HERC1: variants seen among roughly 807,000 people sequenced by gnomAD.
HERC1 encodes probable E3 ubiquitin-protein ligase HERC1.
A neutral mutation model predicts 554.3 loss-of-function variants in HERC1; 160 were observed. The ratio of observed to expected loss-of-function variants is 0.29; its 90% confidence interval spans 0.25 to 0.33. The LOEUF (loss-of-function observed/expected upper bound fraction) is 0.33. Among genes scored for constraint, HERC1 ranks in the 10% least tolerant of loss-of-function variants. The probability of loss-of-function intolerance (pLI) is 1.00; values close to 1 mark genes in which losing one functional copy is unlikely to be tolerated. For synonymous variants in HERC1, 2,175 were observed against 2,131.7 expected, an observed-to-expected ratio of 1.02 and a Z score of -0.56; for missense variants, 4,919 against 5,918.5, an observed-to-expected ratio of 0.83 and a Z score of 5.54.
intron 25 of HERC1, among the ~76,000 whole-genome samples, chr15:63,703,535 T>C (rs545822806): frequency 6.6e-6 from 1 of 152,262 alleles, no homozygotes; most frequent in Non-Finnish European, 1.5e-5. Flanking sequence ...ATGCAAATGC[T>C]GTATGAGGGA....
intron 6 of HERC1, 54 bp downstream of exon 6, chr15:63,755,175 C>T: frequency 3.2e-6 from 4 of 1,239,322 alleles, no homozygotes; most frequent in Non-Finnish European, 4.7e-6. Flanking sequence ...TTCTCAGTAA[C>T]TTAATCATTT....
At chr15:63,833,753 G>GCGCGCACACACACACACACACACACACA (rs1340096449) in intron 1 of HERC1, 74 bp downstream of exon 1, 2 of 46,456 alleles carry the variant, frequency 4.3e-5, no homozygotes, top group Admixed American at 2.1e-4. Flanking sequence ...ACGCGCGCGC[G>GCGCGCACACACACACACACACACACACA]CACACACACA....
intron 23 of HERC1, 42 bp downstream of exon 23, chr15:63,713,311 G>GCT (rs1277482316): frequency 6.7e-7 from 1 of 1,492,536 alleles, no homozygotes; most frequent in Admixed American, 1.7e-5. Context: ...AGTAATAAAG[G>GCT]GAAGTGAGTA....
chr15:63,798,210 C>T (rs2076868349), intron 1 of HERC1, among the ~76,000 whole-genome samples: 1 of 152,166 alleles, frequency 6.6e-6, no homozygotes, highest in African/African-American at 2.4e-5. Flanking sequence ...CCTTATTCAG[C>T]TCCCTGATAG....
intron 2 of HERC1, among the ~76,000 whole-genome samples, chr15:63,770,987 G>A (rs1163299873): frequency 2.6e-5 from 4 of 152,040 alleles, no homozygotes; most frequent in African/African-American, 4.8e-5. Context: ...TTAGGAGTTC[G>A]AGACCAGCCT....
rs2067656541 is a variant in HERC1, at chr15:63,612,730, C to T, written c.14095-174G>A. 6.6e-6 allele frequency among the ~76,000 whole-genome samples: 1 copy of T among 152,224 alleles called. No homozygotes were observed. Among genetic ancestry groups the T allele is most frequent in the Non-Finnish European group, 1.5e-5 (1 of 68,040 alleles). On this transcript the variant is annotated intron_variant, in intron 76 of 77. Coordinates refer to ENST00000443617, the MANE Select transcript of HERC1 (RefSeq NM_003922.4). The surrounding 1 kb of genome is among the most constrained non-coding windows in gnomAD (Gnocchi z 5.0). ...TCAAAAAGGCCCACCCTCCCTGCCTCTCAACCCTTGTTAGAGTGCCTCCCT... is the reference window on the plus strand; with the variant it reads ...TCAAAAAGGCCCACCCTCCCTGCCTTTCAACCCTTGTTAGAGTGCCTCCCT...
At chr15:63,701,272 T>G (rs2072710170) in intron 25 of HERC1, among the ~76,000 whole-genome samples, 1 of 152,176 alleles carries the variant, frequency 6.6e-6, no homozygotes, top group Non-Finnish European at 1.5e-5. Context: ...GTCTTACATA[T>G]TCATTATTAA....
At chr15:63,752,669 A>G (rs2075291141) in intron 8 of HERC1, 2 of 223,210 alleles carry the variant, frequency 9.0e-6, no homozygotes, top group South Asian at 2.0e-4. Flanking sequence ...GACTATCCAT[A>G]ATGTTTTAGA....
chr15:63,673,970 C>T (rs182861181), intron 38 of HERC1, among the ~76,000 whole-genome samples: 16 of 152,314 alleles, frequency 1.1e-4, no homozygotes, highest in Non-Finnish European at 2.2e-4. Context: ...AGTGATCTGC[C>T]CACCTCGGCC....
intron 1 of HERC1, among the ~76,000 whole-genome samples, chr15:63,794,822 T>C (rs922089725): frequency 2.6e-5 from 4 of 151,904 alleles, no homozygotes; most frequent in African/African-American, 9.7e-5. Context: ...TCCCAGCACT[T>C]TGGGAGGCCG....
chr15:63,628,389 CA>C (rs35041070), intron 70 of HERC1, among the ~76,000 whole-genome samples: 4 of 150,960 alleles, frequency 2.6e-5, no homozygotes, highest in South Asian at 2.1e-4. Flanking sequence ...GACTCCATCT[CA>C]AAAAAAAACT....
At chr15:63,665,357 C>A (rs1420642441) in intron 42 of HERC1, among the ~76,000 whole-genome samples, 3 of 152,146 alleles carry the variant, frequency 2.0e-5, no homozygotes, top group African/African-American at 7.2e-5. Flanking sequence ...CATGGTGAAA[C>A]CCTGTCTCTA....
At chr15:63,659,234 G>T (rs1274908633) in intron 47 of HERC1, among the ~76,000 whole-genome samples, 1 of 144,710 alleles carries the variant, frequency 6.9e-6, no homozygotes, top group South Asian at 2.3e-4. Context: ...TATCATGAAA[G>T]ACAAAAAAAA....
At chr15:63,672,190 A>G (rs2070965392) in intron 39 of HERC1, among the ~76,000 whole-genome samples, 1 of 152,170 alleles carries the variant, frequency 6.6e-6, no homozygotes. Flanking sequence ...AGGAAAAAAA[A>G]ATACTCAAAA....
At chr15:63,831,461 G>A (rs1483067519) in intron 1 of HERC1, among the ~76,000 whole-genome samples, 2 of 152,102 alleles carry the variant, frequency 1.3e-5, no homozygotes, top group African/African-American at 2.4e-5. Context: ...TAGTAAGTTT[G>A]TTACTTGCTA....
rs759136742 is a variant in HERC1 at position 63,642,918 on chromosome 15, A to G, written c.11433+39T>C. 8.2e-6 allele frequency: 10 copies of G among 1,214,976 alleles called. No individual in the cohort carries two copies. In the East Asian group the frequency reaches 2.1e-4, roughly 26 times the overall value. The allele number at this position is 1,214,976 out of a possible 1,614,324, so 75.3% of individuals were successfully genotyped here. A position where few individuals can be genotyped will look rare whatever the true frequency, so the allele number is the denominator to read the frequency against. On this transcript the variant is annotated intron_variant, in intron 59 of 77. Transcript: ENST00000443617. ...GACTATGATTTCTAAAGTTCCTTAC[A>G]AGCTTACACCCTATCATTTGATATA...
intron 25 of HERC1, among the ~76,000 whole-genome samples, chr15:63,706,153 C>G (rs1278563657): frequency 1.3e-5 from 2 of 151,468 alleles, no homozygotes; most frequent in Non-Finnish European, 2.9e-5. Flanking sequence ...AATTTGTACA[C>G]ACAACCATGA....
intron 1 of HERC1, among the ~76,000 whole-genome samples, chr15:63,831,680 T>C (rs2078161001): frequency 6.6e-6 from 1 of 152,110 alleles, no homozygotes. Context: ...GAGTATTCAG[T>C]ATGACTTTTT....
At chr15:63,811,532 G>C (rs935629642) in intron 1 of HERC1, among the ~76,000 whole-genome samples, 2 of 152,222 alleles carry the variant, frequency 1.3e-5, no homozygotes, top group South Asian at 4.1e-4. Flanking sequence ...GAAAGGGGCC[G>C]GGCGCGGTGG....
Sources: gnomAD v4.1 joint callset for allele counts (sites outside exome capture counted in the v4.1 genomes callset) on GRCh38, gnomAD v4.1.1 for gene constraint, Gnocchi (gnomAD v3.1) non-coding constraint, MANE v1.5 for transcripts, NCBI Gene and HGNC (gene_info 2026-07-23, HGNC 2026-07-21) for gene names.